Variants in FAM184A observed in about 807,000 individuals in gnomAD.
The protein encoded by FAM184A is protein FAM184A.
In FAM184A, 99 loss-of-function variants were observed where a neutral mutation model predicts 143.8. The observed-to-expected ratio is 0.69, with a 90% CI of 0.58 to 0.81. The LOEUF (loss-of-function observed/expected upper bound fraction) is 0.81, where lower values mean the gene tolerates loss of function less well. Ranked by LOEUF, FAM184A falls within the 40% of genes least tolerant of loss-of-function variation. FAM184A has a pLI of 0.00. For missense variants in FAM184A, 1,217 were observed against 1,310.5 expected (o/e 0.93, Z 1.10); for synonymous variants, 427 against 446.4 (o/e 0.96, Z 0.55).
chr6:119,048,823 CAAG>C (rs1416889855), intron 1 of FAM184A, among the ~76,000 whole-genome samples: 1 of 151,962 alleles, frequency 6.6e-6, no homozygotes, highest in Non-Finnish European at 1.5e-5. Flanking sequence ...ATCTCCACAA[CAAG>C]AATTACAAAA....
At chr6:119,040,550 T>C (rs1786289514) in intron 1 of FAM184A, among the ~76,000 whole-genome samples, 2 of 152,208 alleles carry the variant, frequency 1.3e-5, no homozygotes, top group African/African-American at 4.8e-5. Context: ...TAAGGCATTA[T>C]ATGGCCCTTC....
intron 5 of FAM184A, among the ~76,000 whole-genome samples, chr6:119,015,615 G>A (rs1032282649): frequency 1.3e-5 from 2 of 152,302 alleles, no homozygotes; most frequent in East Asian, 1.9e-4. Flanking sequence ...CCCCGCCTCC[G>A]TGGGTTCCTG....
chr6:119,073,128 A>G (rs1251525225), intron 1 of FAM184A, among the ~76,000 whole-genome samples: 3 of 152,244 alleles, frequency 2.0e-5, no homozygotes, highest in Non-Finnish European at 4.4e-5. Context: ...ATTATTAAGT[A>G]TCAAGTAAGA....
In FAM184A at chr6:118,960,829, T is replaced by C. The variant is rs758188168; in HGVS notation, c.3342-645A>G. 2.2e-6 allele frequency: 3 copies of C among 1,365,794 alleles called. No homozygotes were observed. In the African/African-American group the frequency reaches 4.4e-5, roughly 20 times the overall value. 84.6% of individuals were successfully genotyped at this position (1,365,794 alleles called of 1,614,324 possible). A position where few individuals can be genotyped will look rare whatever the true frequency, so the allele number is the denominator to read the frequency against. ...TGTAATGGAAACTCCAGTAGTCATGTTCCTTGAGCTCATGCACATGCATCT... is the reference window on the plus strand; with the variant it reads ...TGTAATGGAAACTCCAGTAGTCATGCTCCTTGAGCTCATGCACATGCATCT... On this transcript the variant is annotated intron_variant, in intron 17 of 17. Transcript: ENST00000338891.
chr6:119,075,204 A>G (rs1199452568), intron 1 of FAM184A, among the ~76,000 whole-genome samples: 1 of 151,690 alleles, frequency 6.6e-6, no homozygotes, highest in South Asian at 2.1e-4. Flanking sequence ...TTCGAAGGAG[A>G]AAAAAAACTA....
chr6:118,972,761 C>T (rs568166632), intron 14 of FAM184A, among the ~76,000 whole-genome samples: 20 of 152,218 alleles, frequency 1.3e-4, no homozygotes, highest in Non-Finnish European at 2.2e-4. Context: ...GACAGACTGA[C>T]GTTATTCTTT....
intron 3 of FAM184A, among the ~76,000 whole-genome samples, chr6:119,021,959 G>A (rs1373744569): frequency 6.6e-6 from 1 of 150,598 alleles, no homozygotes; most frequent in Non-Finnish European, 1.5e-5. Context: ...CTAGGTGACA[G>A]AACAAGACCT....
chr6:118,990,256 A>G (rs1487427407), intron 9 of FAM184A, among the ~76,000 whole-genome samples: 2 of 152,222 alleles, frequency 1.3e-5, no homozygotes, highest in East Asian at 3.8e-4. Flanking sequence ...TATGTTATTT[A>G]AGATTCCTGA....
At chr6:119,037,372 C>A (rs1582538083) in intron 1 of FAM184A, among the ~76,000 whole-genome samples, 1 of 152,250 alleles carries the variant, frequency 6.6e-6, no homozygotes, top group East Asian at 1.9e-4. Flanking sequence ...CACTATGTTG[C>A]CCAGGCTGGG....
chr6:119,143,819 A>C (rs879927154), intron 1 of FAM184A, among the ~76,000 whole-genome samples: 7 of 152,232 alleles, frequency 4.6e-5, no homozygotes, highest in Non-Finnish European at 7.3e-5. Context: ...GTTTTGTAAG[A>C]AGAAAGAGTA....
intron 1 of FAM184A, among the ~76,000 whole-genome samples, chr6:119,144,118 A>G (rs1772337387): frequency 6.6e-6 from 1 of 151,656 alleles, no homozygotes; most frequent in African/African-American, 2.4e-5. Flanking sequence ...ACGAGGTCAG[A>G]AGATCGAGAC....
Position 118,979,485 on chromosome 6 carries a change from C to A in FAM184A, c.2335G>T (p.Ala779Ser). 1.2e-6 allele frequency: 2 copies of A among 1,612,822 alleles called. No individual in the cohort carries two copies. Among genetic ancestry groups the A allele is most frequent in the Non-Finnish European group, 1.7e-6 (2 of 1,179,604 alleles). The change falls in exon 11 of 18, where the codon GCA becomes TCA. Residue 779 changes from alanine to serine, a missense_variant. Physicochemically the swap from Ala to Ser is moderately conservative, Grantham distance 99 (BLOSUM62 1). Transcript: ENST00000338891. ...GCATCTTTTAGTGATTGAAGCTCTG[C>A]AGAATGCTTCTGTTGTAAATGATTT... ...LENHLQQKHS[A>S]ELQSLKDAHR...
At chr6:119,138,217 A>G (rs1396323004) in intron 1 of FAM184A, among the ~76,000 whole-genome samples, 1 of 152,184 alleles carries the variant, frequency 6.6e-6, no homozygotes, top group Non-Finnish European at 1.5e-5. Context: ...CCCAAATTCA[A>G]ATGACTACTT....
intron 1 of FAM184A, among the ~76,000 whole-genome samples, chr6:119,056,996 C>A (rs549476962): frequency 6.6e-6 from 1 of 151,986 alleles, no homozygotes; most frequent in African/African-American, 2.4e-5. Flanking sequence ...CCATTTATGC[C>A]GAAGGTTGCA....
intron 1 of FAM184A, among the ~76,000 whole-genome samples, chr6:119,090,902 A>G (rs1788346934): frequency 6.6e-6 from 1 of 152,208 alleles, no homozygotes; most frequent in Non-Finnish European, 1.5e-5. Flanking sequence ...TTTGCCAGGT[A>G]TGAAAGAGCT....
intron 9 of FAM184A, among the ~76,000 whole-genome samples, chr6:118,988,781 C>T (rs1784270210): frequency 6.6e-6 from 1 of 151,964 alleles, no homozygotes; most frequent in Non-Finnish European, 1.5e-5. Context: ...TGTTGATACA[C>T]CATTGGAAAA....
intron 9 of FAM184A, among the ~76,000 whole-genome samples, chr6:118,984,169 A>ATATATATATTTATATATATATTTATATT (rs1784113372): frequency 7.0e-6 from 1 of 142,202 alleles, no homozygotes. Flanking sequence ...ATATATATAT[A>ATATATATATTTATATATATATTTATATT]TATATATATT....
At chr6:119,076,334 CAG>C (rs1787871036) in intron 1 of FAM184A, among the ~76,000 whole-genome samples, 1 of 152,090 alleles carries the variant, frequency 6.6e-6, no homozygotes, top group Non-Finnish European at 1.5e-5. Context: ...AACACAAAAC[CAG>C]AGAGTCCACG....
At chr6:119,010,532 T>C (rs907085314) in intron 6 of FAM184A, among the ~76,000 whole-genome samples, 10 of 152,222 alleles carry the variant, frequency 6.6e-5, no homozygotes, top group Non-Finnish European at 1.3e-4. Flanking sequence ...TGGGTGTCTG[T>C]ATTTTTCTTA....
Sources: allele counts gnomAD v4.1 joint callset (sites outside exome capture counted in the v4.1 genomes callset), GRCh38; gene constraint gnomAD v4.1.1; transcripts MANE v1.5; gene names NCBI Gene and HGNC (gene_info 2026-07-23, HGNC 2026-07-21).